Variants in NAALADL2 observed in about 807,000 individuals in gnomAD.
The protein encoded by NAALADL2 is inactive N-acetylated-alpha-linked acidic dipeptidase-like protein 2.
NAALADL2 carries 76 observed loss-of-function variants against 87.2 expected under a neutral mutation model. The ratio of observed to expected loss-of-function variants is 0.87; its 90% CI spans 0.72 to 1.05. The LOEUF (loss-of-function observed/expected upper bound fraction) is 1.05, where lower values mean the gene tolerates loss of function less well. Ranked by LOEUF, NAALADL2 falls within the 50% of genes least tolerant of loss-of-function variation. The pLI, the probability that NAALADL2 is intolerant of heterozygous loss-of-function variation, is 0.00. For synonymous variants in NAALADL2, 354 were observed against 331.0 expected (o/e 1.07, Z -0.75); for missense variants, 1,089 against 945.8 (o/e 1.15, Z -1.99).
intron 9 of NAALADL2, among the ~76,000 whole-genome samples, chr3:175,553,188 G>A (rs904278627): frequency 2.0e-5 from 3 of 152,104 alleles, no homozygotes; most frequent in Non-Finnish European, 4.4e-5. Context: ...CAATATATCA[G>A]TTATTTCATG....
chr3:174,441,766 G>A (rs1714659977), intron 1 of NAALADL2, among the ~76,000 whole-genome samples: 1 of 137,808 alleles, frequency 7.3e-6, no homozygotes, highest in East Asian at 2.2e-4. Flanking sequence ...TGCGTCTCTT[G>A]GTGCCTTGTG....
chr3:175,419,822 C>T (rs12493368), intron 5 of NAALADL2, among the ~76,000 whole-genome samples: 97,691 of 151,716 alleles, frequency 0.64, 31,647 homozygotes, highest in East Asian at 0.8. Flanking sequence ...TATGAGGTGG[C>T]ATTGCAGTAT....
At chr3:175,056,899 CCA>C (rs1712317775) in intron 1 of NAALADL2, among the ~76,000 whole-genome samples, 1 of 152,198 alleles carries the variant, frequency 6.6e-6, no homozygotes, top group Non-Finnish European at 1.5e-5. Flanking sequence ...TCCGGTAAAC[CCA>C]CAACCTTCCA....
intron 1 of NAALADL2, among the ~76,000 whole-genome samples, chr3:175,095,491 T>A (rs1044537842): frequency 1.3e-5 from 2 of 152,058 alleles, no homozygotes; most frequent in Non-Finnish European, 2.9e-5. Flanking sequence ...TAGGGCAGCA[T>A]ATGAAAATTC....
intron 2 of NAALADL2, among the ~76,000 whole-genome samples, chr3:174,592,038 T>C (rs1717413042): frequency 6.6e-6 from 1 of 152,088 alleles, no homozygotes; most frequent in Non-Finnish European, 1.5e-5. Context: ...CATACGTGTG[T>C]GAGTTTTTTT....
At chr3:175,623,351 AGAG>A (rs1726508015) in intron 10 of NAALADL2, among the ~76,000 whole-genome samples, 1 of 151,994 alleles carries the variant, frequency 6.6e-6, no homozygotes, top group African/African-American at 2.4e-5. Flanking sequence ...AGTCCTGAAC[AGAG>A]GAGAAGGAAG....
chr3:175,326,737 G>A (rs115390825), intron 5 of NAALADL2, among the ~76,000 whole-genome samples: 2,029 of 152,276 alleles, frequency 0.013, 48 homozygotes, highest in African/African-American at 0.046. Flanking sequence ...ATGAGAGCAA[G>A]AAAGGGCCAA....
chr3:175,739,010 T>G (rs1744901770), intron 12 of NAALADL2, among the ~76,000 whole-genome samples: 1 of 152,208 alleles, frequency 6.6e-6, no homozygotes, highest in Admixed American at 6.5e-5. Context: ...AAAATTCTAT[T>G]GGTATTCCAT....
chr3:175,651,724 A>T (rs1039012841), intron 11 of NAALADL2, among the ~76,000 whole-genome samples: 1 of 152,176 alleles, frequency 6.6e-6, no homozygotes, highest in African/African-American at 2.4e-5. Flanking sequence ...TTTCCTATCC[A>T]TTTCTTAGCA....
intron 3 of NAALADL2, among the ~76,000 whole-genome samples, chr3:174,787,675 G>A (rs1281070897): frequency 7.8e-6 from 1 of 127,708 alleles, no homozygotes; most frequent in Non-Finnish European, 1.6e-5. Flanking sequence ...TTTCAAAACT[G>A]GACTTTTTGA....
chr3:174,800,922 G>C (rs1006580776), intron 3 of NAALADL2, among the ~76,000 whole-genome samples: 2 of 152,152 alleles, frequency 1.3e-5, no homozygotes, highest in Non-Finnish European at 1.5e-5. Context: ...TAGCCCCTTT[G>C]TTTTGGCCAG....
chr3:174,994,138 G>A (rs1223253615), intron 1 of NAALADL2, among the ~76,000 whole-genome samples: 1 of 152,168 alleles, frequency 6.6e-6, no homozygotes, highest in Non-Finnish European at 1.5e-5. Flanking sequence ...GGGGGAAGGT[G>A]ACACTATTCA....
rs1718740138 is a variant in NAALADL2, at chr3:174,499,296, A to G, written c.-183-51273A>G. ...TGAAAGTTCTTTATGTTGTTGAGATATAAGGGTTCCTCCTACATTTTGGAT... is the reference window on the plus strand; with the variant it reads ...TGAAAGTTCTTTATGTTGTTGAGATGTAAGGGTTCCTCCTACATTTTGGAT... On this transcript the variant is annotated intron_variant, in intron 1 of 3. Transcript: ENST00000434257. Among the ~76,000 whole-genome samples the G allele has an allele frequency of 3.3e-5, 5 of 152,084 alleles. No homozygotes were observed. In the South Asian group the frequency reaches 1.0e-3, roughly 31 times the overall value.
rs186897441 is a variant in NAALADL2, at chr3:174,668,713, T to C, written c.-114-68928T>C. Among the ~76,000 whole-genome samples the C allele has an allele frequency of 3.3e-5, 5 of 152,306 alleles. No homozygotes were observed. In the South Asian group the frequency reaches 1.0e-3, roughly 32 times the overall value. ...TGCAATAGTTTGCTGAGAATGATGG[T>C]TTCCAGCTTCATCCATGTCCCTACA... On this transcript the variant is annotated intron_variant, in intron 2 of 3. Transcript: ENST00000434257.
intron 4 of NAALADL2, among the ~76,000 whole-genome samples, chr3:175,283,170 G>T (rs529708609): frequency 6.6e-6 from 1 of 152,020 alleles, no homozygotes; most frequent in Non-Finnish European, 1.5e-5. Context: ...ATATCTATGT[G>T]CATTAATATT....
intron 1 of NAALADL2, among the ~76,000 whole-genome samples, chr3:175,020,124 T>C (rs987500252): frequency 1.3e-5 from 2 of 152,102 alleles, no homozygotes; most frequent in African/African-American, 2.4e-5. Flanking sequence ...GAGCATTTAG[T>C]GTTCAGGGAC....
chr3:174,822,180 G>T (rs1721499715), intron 3 of NAALADL2, among the ~76,000 whole-genome samples: 1 of 151,952 alleles, frequency 6.6e-6, no homozygotes, highest in South Asian at 2.1e-4. Context: ...AGGGCGGAGG[G>T]AGAGGGGGAG....
At chr3:175,370,502 G>T (rs1053022629) in intron 5 of NAALADL2, among the ~76,000 whole-genome samples, 4 of 152,026 alleles carry the variant, frequency 2.6e-5, no homozygotes, top group East Asian at 1.9e-4. Context: ...CAATATATGG[G>T]GGGGGGAGGG....
chr3:175,115,406 A>T (rs1363742082), intron 2 of NAALADL2, among the ~76,000 whole-genome samples: 1 of 128,116 alleles, frequency 7.8e-6, no homozygotes, highest in Non-Finnish European at 1.6e-5. Flanking sequence ...GACAATTAGC[A>T]TATATATAAA....
Sources: allele counts gnomAD v4.1 joint callset (sites outside exome capture counted in the v4.1 genomes callset), GRCh38; gene constraint gnomAD v4.1.1; transcripts MANE v1.5; gene names NCBI Gene and HGNC (gene_info 2026-07-23, HGNC 2026-07-21).